Variants in CIB4 observed in about 807,000 individuals in gnomAD.
CIB4 encodes calcium and integrin-binding family member 4.
A neutral mutation model predicts 25.8 loss-of-function variants in CIB4; 25 were observed. The ratio of observed to expected loss-of-function variants is 0.97; its 90% CI spans 0.71 to 1.35. CIB4 has a LOEUF of 1.35. Ranked by LOEUF, CIB4 falls within the 40% of genes most tolerant of loss-of-function variation. The probability of loss-of-function intolerance (pLI) is 0.00; values close to 1 mark genes in which losing one functional copy is unlikely to be tolerated. For missense variants in CIB4, 235 were observed against 228.2 expected (o/e 1.03, Z -0.19); for synonymous variants, 75 against 81.4 (o/e 0.92, Z 0.42).
intron 5 of CIB4, among the ~76,000 whole-genome samples, chr2:26,583,482 G>GT (rs956860674): frequency 6.6e-6 from 1 of 152,210 alleles, no homozygotes; most frequent in African/African-American, 2.4e-5. Context: ...TCCCTGTCAT[G>GT]TAGGGAGGCC....
intron 3 of CIB4, among the ~76,000 whole-genome samples, chr2:26,626,375 C>T (rs1169471991): frequency 1.1e-4 from 15 of 134,904 alleles, no homozygotes; most frequent in Non-Finnish European, 2.3e-4. Context: ...AGAAAGAAAC[C>T]CAAGTAGAAA....
chr2:26,616,356 C>A (rs1669092546), intron 3 of CIB4, among the ~76,000 whole-genome samples: 1 of 152,198 alleles, frequency 6.6e-6, no homozygotes, highest in Non-Finnish European at 1.5e-5. Context: ...CATGCATCTC[C>A]CCAATGTAAT....
chr2:26,622,436 T>C (rs1023583376), intron 3 of CIB4, among the ~76,000 whole-genome samples: 4 of 151,902 alleles, frequency 2.6e-5, no homozygotes, highest in African/African-American at 4.8e-5. Context: ...TGTAACTATA[T>C]TGGGAGGGCA....
At chr2:26,624,955 G>A (rs957085573) in intron 3 of CIB4, among the ~76,000 whole-genome samples, 3 of 152,008 alleles carry the variant, frequency 2.0e-5, no homozygotes, top group Non-Finnish European at 4.4e-5. Context: ...ATGCTTGAGG[G>A]GATGGATGCC....
At position 26,633,138 on chromosome 2, in the gene CIB4, T is replaced by A. The variant is rs568337640; in HGVS notation, c.90-3632A>T. Reference sequence around the variant, plus strand: ...AAATAATCTACCTAAGGTCACACAGTGGTAAATGTTAAAGCCAGAGATACA... The same window carrying A: ...AAATAATCTACCTAAGGTCACACAGAGGTAAATGTTAAAGCCAGAGATACA... On this transcript the variant is annotated intron_variant, in intron 2 of 6. Transcript: ENST00000288861. Among the ~76,000 whole-genome samples, 4 of 152,212 alleles carry A rather than the reference T, an allele frequency of 2.6e-5. No individual in the cohort carries two copies. In the South Asian group the frequency reaches 8.3e-4, roughly 32 times the overall value.
intron 4 of CIB4, among the ~76,000 whole-genome samples, chr2:26,589,558 G>A (rs911670857): frequency 6.6e-6 from 1 of 152,136 alleles, no homozygotes; most frequent in Non-Finnish European, 1.5e-5. Flanking sequence ...CTGACCTCAG[G>A]TGATCCACCC....
At chr2:26,587,206 T>C (rs1668473900) in intron 4 of CIB4, among the ~76,000 whole-genome samples, 1 of 143,522 alleles carries the variant, frequency 7.0e-6, no homozygotes. Flanking sequence ...CTCGGGAGGC[T>C]GAGGCAGGAG....
chr2:26,638,916 C>T (rs1248715623), intron 2 of CIB4, among the ~76,000 whole-genome samples: 1 of 151,612 alleles, frequency 6.6e-6, no homozygotes, highest in Non-Finnish European at 1.5e-5. Context: ...TGCACCACTG[C>T]ACTCTAGCCT....
chr2:26,604,246 G>A (rs1385803198), intron 3 of CIB4, among the ~76,000 whole-genome samples: 1 of 152,050 alleles, frequency 6.6e-6, no homozygotes, highest in South Asian at 2.1e-4. Flanking sequence ...TGGGCATGGT[G>A]GTGCACGCCT....
intron 3 of CIB4, among the ~76,000 whole-genome samples, chr2:26,617,006 T>C (rs1270599281): frequency 6.6e-6 from 1 of 152,056 alleles, no homozygotes. Flanking sequence ...TCAGGAGTCT[T>C]AGAGCACACA....
intron 4 of CIB4, among the ~76,000 whole-genome samples, chr2:26,594,168 C>T (rs1057197340): frequency 1.3e-5 from 2 of 152,176 alleles, no homozygotes; most frequent in Admixed American, 6.5e-5. Flanking sequence ...TTTCCAATGC[C>T]ATCAGCTAGT....
chr2:26,586,643 C>G (rs1293619605), intron 4 of CIB4, among the ~76,000 whole-genome samples: 2 of 152,192 alleles, frequency 1.3e-5, no homozygotes, highest in African/African-American at 4.8e-5. Flanking sequence ...ATGAACTACC[C>G]AGGGTAACCA....
At chr2:26,588,925 T>G (rs948003510) in intron 4 of CIB4, among the ~76,000 whole-genome samples, 2 of 152,092 alleles carry the variant, frequency 1.3e-5, no homozygotes, top group African/African-American at 4.8e-5. Context: ...GTAGGTAAGC[T>G]CCAGGGAGGT....
At position 26,582,900 on chromosome 2, in the gene CIB4, G is replaced by T; in HGVS notation, c.452C>A (p.Ser151Ter). 1 of 1,612,360 alleles carries T rather than the reference G, an allele frequency of 6.2e-7. No individual in the cohort carries two copies. Among genetic ancestry groups the T allele is most frequent in the South Asian group, 1.1e-5 (1 of 90,930 alleles). ...CAGCATGTTGTCATTGTCCAGATCC[G>T]ACTCACTCAGGACCTGGCGAGGGAG... is the stretch of plus-strand genomic sequence containing the variant. Reference protein sequence around the residue: ...MDLTNHVLSESDLDNDNMLSF... With the variant: ...MDLTNHVLSE The change falls in exon 6 of 7, where the codon TCG (serine) becomes TAG (stop). Residue 151 changes from serine (S) to a stop codon, truncating the protein, a stop_gained. Coordinates refer to ENST00000288861, the MANE Select transcript of CIB4 (RefSeq NM_001029881.3). LOFTEE classifies it high-confidence loss of function.
Position 26,625,387 on chromosome 2 carries a change from T to A in CIB4, c.186+4023A>T, listed in dbSNP as rs1191686974. Among the ~76,000 whole-genome samples, 4 of 148,894 alleles carry A rather than the reference T, an allele frequency of 2.7e-5. No individual in the cohort carries two copies. The East Asian group carries it at 7.9e-4, about 30-fold the overall frequency. On this transcript the variant is annotated intron_variant, in intron 3 of 6. Coordinates refer to ENST00000288861, the MANE Select transcript of CIB4 (RefSeq NM_001029881.3). Reference sequence around the variant, plus strand: ...TTTTTTTTGAGATGGAGTTTCGCCCTTGTTGCCCAGGCTGGAGTGCAATGG... The same window carrying A: ...TTTTTTTTGAGATGGAGTTTCGCCCATGTTGCCCAGGCTGGAGTGCAATGG...
intron 3 of CIB4, among the ~76,000 whole-genome samples, chr2:26,617,120 A>ATG (rs3220777): frequency 0.24 from 32,411 of 137,698 alleles, 3,632 homozygotes; most frequent in East Asian, 0.39. Flanking sequence ...AGAGCATGGA[A>ATG]TGTGTGTGTG....
intron 3 of CIB4, among the ~76,000 whole-genome samples, chr2:26,628,381 C>T (rs1234418749): frequency 2.0e-5 from 3 of 152,102 alleles, no homozygotes; most frequent in African/African-American, 7.2e-5. Context: ...CCCAGCCTCC[C>T]CCCACTGCTC....
intron 3 of CIB4, among the ~76,000 whole-genome samples, chr2:26,609,010 A>G (rs552079164): frequency 5.3e-4 from 81 of 152,230 alleles, no homozygotes; most frequent in Non-Finnish European, 9.6e-4. Flanking sequence ...GTTTCTATTG[A>G]CAACCGCAGC....
chr2:26,605,382 G>C (rs1305845594), intron 3 of CIB4: 1 of 377,340 alleles, frequency 2.7e-6, no homozygotes, highest in East Asian at 9.1e-5. Context: ...GTGGATGGTG[G>C]AACCCATTCC....
Sources: allele counts gnomAD v4.1 joint callset (sites outside exome capture counted in the v4.1 genomes callset), GRCh38; gene constraint gnomAD v4.1.1; transcripts MANE v1.5; gene names NCBI Gene and HGNC (gene_info 2026-07-23, HGNC 2026-07-21).